The following MTMR4 variants were observed in gnomAD, a reference collection of about 807,000 sequenced individuals.
The protein encoded by MTMR4 is myotubularin related protein 4, also known as phosphatidylinositol-3,5-bisphosphate 3-phosphatase MTMR4.
A neutral mutation model predicts 125.5 loss-of-function variants in MTMR4; 30 were observed. The ratio of observed to expected loss-of-function variants is 0.24; its 90% CI spans 0.18 to 0.32. MTMR4 has a LOEUF of 0.32. MTMR4 is among the 10% of genes least tolerant of loss of function. The pLI, the probability that MTMR4 is intolerant of heterozygous loss-of-function variation, is 1.00. For synonymous variants in MTMR4, 498 were observed against 564.5 expected (o/e 0.88, Z 1.67); for missense variants, 1,039 against 1,511.5 (o/e 0.69, Z 5.18).
intron 14 of MTMR4, among the ~76,000 whole-genome samples, chr17:58,497,800 CAA>C (rs1268773470): frequency 6.6e-6 from 1 of 152,024 alleles, no homozygotes; most frequent in Non-Finnish European, 1.5e-5. Flanking sequence ...GACATCCAGA[CAA>C]CCAGGGTCCA....
chr17:58,511,363 C>G (rs1355872623), intron 4 of MTMR4, 66 bp downstream of exon 4: 84 of 1,353,080 alleles, frequency 6.2e-5, no homozygotes, highest in African/African-American at 2.9e-5. Flanking sequence ...CCAGAGAAAC[C>G]CTGCAGCACA....
intron 14 of MTMR4, 85 bp from the exon 15 acceptor site, chr17:58,496,415 A>C: frequency 2.6e-6 from 3 of 1,133,698 alleles, no homozygotes; most frequent in Non-Finnish European, 2.5e-6. Context: ...GAGCAATATC[A>C]AAGCCAGAGT....
upstream of MTMR4, chr17:58,516,509 G>A (rs1976088872): frequency 1.3e-6 from 2 of 1,536,096 alleles, no homozygotes; most frequent in South Asian, 2.2e-5. Flanking sequence ...AGGACAGGTG[G>A]GGCAGCTTCA....
upstream of MTMR4, chr17:58,516,589 G>A (rs758206312): frequency 1.4e-5 from 23 of 1,614,010 alleles, no homozygotes; most frequent in Middle Eastern, 1.6e-4. Flanking sequence ...CCATTCTACC[G>A]TGGCAAGGGT....
rs376432146 is a variant in MTMR4, at chr17:58,508,893, T to C, written c.336-52A>G. On this transcript the variant is annotated intron_variant, in intron 4 of 17. Coordinates refer to ENST00000682306, the MANE Select transcript of MTMR4 (RefSeq NM_001378067.1). The surrounding 1 kb of genome is among the most constrained non-coding windows in gnomAD (Gnocchi z 4.8). ...GGTGAGGCAAAGTGCAGTTGTGCCA[T>C]GGGGCTATCAGGGCCAAAAACACAG... 3.8e-6 allele frequency: 6 copies of C among 1,585,440 alleles called. No homozygotes were observed. In the African/African-American group the frequency reaches 8.1e-5, roughly 21 times the overall value.
Position 58,514,436 on chromosome 17 carries a change from T to C in MTMR4, c.-29A>G. ...CGCGGGCGGTCTGGGCCAGCGCACA[T>C]GTCCCCGGAGCCGCTGCGCTGCCCG... On this transcript the variant is annotated 5_prime_UTR_variant, in exon 1 of 18. It removes an upstream start codon present in the reference 5' UTR. Transcript: ENST00000682306. 1.0e-6 allele frequency: 1 copy of C among 985,506 alleles called. No homozygotes were observed. The highest frequency in any genetic ancestry group is 1.2e-6 in the Non-Finnish European group (1 of 829,854). 61.0% of individuals were successfully genotyped at this position (985,506 alleles called of 1,614,324 possible).
upstream of MTMR4, among the ~76,000 whole-genome samples, chr17:58,518,844 G>A (rs932969244): frequency 6.6e-6 from 1 of 152,202 alleles, no homozygotes; most frequent in Admixed American, 6.5e-5. Context: ...ATATTCTCAG[G>A]TCTGGAGCGG....
upstream of MTMR4, chr17:58,517,672 A>G: frequency 6.5e-6 from 1 of 153,172 alleles, no homozygotes; most frequent in Non-Finnish European, 1.5e-5. Flanking sequence ...CCCAGGTTCT[A>G]GGGGCGGAGC....
chr17:58,508,983 G>A lies in MTMR4; in HGVS notation c.336-142C>T. 2.5e-6 allele frequency: 2 copies of A among 801,850 alleles called. No homozygotes were observed. Among genetic ancestry groups the A allele is most frequent in the Non-Finnish European group, 1.9e-6 (1 of 515,666 alleles). 49.7% of individuals were successfully genotyped at this position (801,850 alleles called of 1,614,324 possible). On this transcript the variant is annotated intron_variant, in intron 4 of 17. Transcript: ENST00000682306. This position sits in a 1 kb window ranked among gnomAD's most constrained non-coding sequence, Gnocchi z 4.8. ...AGGTAAAGCAGTGGGGACCCAGGGT[G>A]GGGGGACGAGGGACACTGGCCAACA...
At chr17:58,507,793 A>T (rs188700174) in intron 7 of MTMR4, among the ~76,000 whole-genome samples, 1 of 152,160 alleles carries the variant, frequency 6.6e-6, no homozygotes, top group Non-Finnish European at 1.5e-5. Flanking sequence ...ATAGCCCTTT[A>T]AAAATGTAAA....
upstream of MTMR4, chr17:58,515,186 C>A: frequency 2.6e-6 from 1 of 385,140 alleles, no homozygotes; most frequent in Non-Finnish European, 3.6e-6. Context: ...GGTAAGAAAG[C>A]CCTTCTTGGA....
Position 58,492,547 on chromosome 17 carries a change from C to T in MTMR4, c.3416G>A (p.Cys1139Tyr), listed in dbSNP as rs376103978. Residue 1139 changes from cysteine (C) to tyrosine (Y), a missense_variant, in exon 17 of 18, where the codon TGT becomes TAT. Around this residue, in one of 6 missense-constraint regions of MTMR4, gnomAD observed 60 missense variants for 129.6 expected, o/e 0.46. Coordinates refer to ENST00000682306, the MANE Select transcript of MTMR4 (RefSeq NM_001378067.1). ...TCTTCGTTTGGCCAACCAGAATTCA[C>T]AGTCACAGTTATAGCAGTGTGATGC... is the stretch of plus-strand genomic sequence containing the variant. Reference protein sequence around the residue: ...HMASHCYNCDCEFWLAKRRHH... With the variant: ...HMASHCYNCDYEFWLAKRRHH... 15 of 1,613,970 alleles carry T rather than the reference C, an allele frequency of 9.3e-6. No individual in the cohort carries two copies. Among genetic ancestry groups the T allele is most frequent in the Non-Finnish European group, 1.1e-5 (13 of 1,180,002 alleles).
chr17:58,504,035 A>G lies in MTMR4; in HGVS notation c.1698+15T>C. 6.5e-7 allele frequency: 1 copy of G among 1,533,980 alleles called. No individual in the cohort carries two copies. The highest frequency in any genetic ancestry group is 8.8e-7 in the Non-Finnish European group (1 of 1,141,776). On this transcript the variant is annotated intron_variant, in intron 13 of 17. Coordinates refer to ENST00000682306, the MANE Select transcript of MTMR4 (RefSeq NM_001378067.1). This position sits in a 1 kb window ranked among gnomAD's most constrained non-coding sequence, Gnocchi z 7.1. ...GTTTCTAAATAGCACCTACAGGAAAAGGGCTCAGACTCACCATGTCTGAGC... is the reference window on the plus strand; with the variant it reads ...GTTTCTAAATAGCACCTACAGGAAAGGGGCTCAGACTCACCATGTCTGAGC...
At chr17:58,505,029 C>T (rs1337450491) in intron 10 of MTMR4, 55 bp from the exon 11 acceptor site, 1 of 1,511,008 alleles carries the variant, frequency 6.6e-7, no homozygotes, top group African/African-American at 1.4e-5. Context: ...CCACAGCAGT[C>T]TCTCCACCAT....
upstream of MTMR4, among the ~76,000 whole-genome samples, chr17:58,515,647 G>T (rs1366028717): frequency 6.6e-6 from 1 of 152,232 alleles, no homozygotes; most frequent in Non-Finnish European, 1.5e-5. Flanking sequence ...GAAGCTGACT[G>T]TGAAGCCCAT....
At position 58,490,411 on chromosome 17, in the gene MTMR4, C is replaced by G. The variant is rs1198708065; in HGVS notation, c.*1252G>C. ...TGGTACATATTAAGATGAAAAAAAA[C>G]AAAAACAAAAACAAAAAAACAAAAT... On this transcript the variant is annotated 3_prime_UTR_variant, in exon 18 of 18. Coordinates refer to ENST00000682306, the MANE Select transcript of MTMR4 (RefSeq NM_001378067.1). The G allele has an allele frequency of 2.0e-5, 3 of 152,298 alleles. No homozygotes were observed. The highest frequency in any genetic ancestry group is 4.4e-5 in the Non-Finnish European group (3 of 67,962). The allele number at this position is 152,298 out of a possible 1,614,324, so 9.4% of individuals were successfully genotyped here. A position where few individuals can be genotyped will look rare whatever the true frequency, so the allele number is the denominator to read the frequency against.
Position 58,508,940 on chromosome 17 carries a change from A to G in MTMR4, c.336-99T>C, listed in dbSNP as rs777420009. ...ACAGCCACAGGAAGGCTGTGAGGAG[A>G]GAAGGCTGCAAAGCAAGAGGTAAAG... On this transcript the variant is annotated intron_variant, in intron 4 of 17. Transcript: ENST00000682306. The surrounding 1 kb of genome is among the most constrained non-coding windows in gnomAD (Gnocchi z 4.8). 2.9e-6 allele frequency: 4 copies of G among 1,375,438 alleles called. No homozygotes were observed. The highest frequency in any genetic ancestry group is 4.0e-6 in the Non-Finnish European group (4 of 1,003,948). The allele number at this position is 1,375,438 out of a possible 1,614,324, so 85.2% of individuals were successfully genotyped here. A position where few individuals can be genotyped will look rare whatever the true frequency, so the allele number is the denominator to read the frequency against.
In MTMR4 at chr17:58,504,539, G is replaced by A; in HGVS notation, c.1342-51C>T. 6.3e-7 allele frequency: 1 copy of A among 1,582,932 alleles called. No homozygotes were observed. The highest frequency in any genetic ancestry group is 8.6e-7 in the Non-Finnish European group (1 of 1,161,696). ...ATAGGGCCTCTCTGGAAATGCTGAT[G>A]TGCTACTCCCCTGGGAACTGCCCAA... is the stretch of plus-strand genomic sequence containing the variant. On this transcript the variant is annotated intron_variant, in intron 11 of 17. Coordinates refer to ENST00000682306, the MANE Select transcript of MTMR4 (RefSeq NM_001378067.1). The surrounding 1 kb of genome is among the most constrained non-coding windows in gnomAD (Gnocchi z 7.1).
intron 4 of MTMR4, 59 bp downstream of exon 4, chr17:58,511,370 C>T: frequency 7.0e-7 from 1 of 1,424,018 alleles, no homozygotes; most frequent in Non-Finnish European, 9.7e-7. Context: ...AACCCTGCAG[C>T]ACAGAGAACT....
Sources: gnomAD v4.1 joint callset for allele counts (sites outside exome capture counted in the v4.1 genomes callset) on GRCh38, gnomAD v4.1.1 for gene constraint, gnomAD v4.1.1 regional missense constraint, Gnocchi (gnomAD v3.1) non-coding constraint, MANE v1.5 for transcripts, NCBI Gene and HGNC (gene_info 2026-07-23, HGNC 2026-07-21) for gene names.